Variants in PLXNC1 observed in about 807,000 individuals in gnomAD.
PLXNC1 encodes the protein plexin-C1.
Under a neutral mutation model 178.2 loss-of-function variants are expected in PLXNC1, and 75 were observed. That is an observed-to-expected ratio of 0.42 (90% confidence interval 0.35 to 0.51). PLXNC1 has a LOEUF of 0.51. Ranked by LOEUF, PLXNC1 falls within the 20% of genes least tolerant of loss-of-function variation. The pLI, the probability that PLXNC1 is intolerant of heterozygous loss-of-function variation, is 0.02. For synonymous variants in PLXNC1, 790 were observed against 779.9 expected, an observed-to-expected ratio of 1.01 and a Z score of -0.22; for missense variants, 1,503 against 1,984.4, an observed-to-expected ratio of 0.76 and a Z score of 4.61.
intron 1 of PLXNC1, among the ~76,000 whole-genome samples, chr12:94,163,808 AC>A (rs1341699967): frequency 6.6e-6 from 1 of 152,154 alleles, no homozygotes; most frequent in Non-Finnish European, 1.5e-5. Flanking sequence ...AGCTGCCATA[AC>A]TTAGTCAGAT....
Position 94,149,503 on chromosome 12 carries a change from G to A in PLXNC1, c.532G>A (p.Ala178Thr). The A allele has an allele frequency of 6.5e-7, 1 of 1,533,218 alleles. No homozygotes were observed. The highest frequency in any genetic ancestry group is 8.7e-7 in the Non-Finnish European group (1 of 1,145,550). 95.0% of individuals were successfully genotyped at this position (1,533,218 alleles called of 1,614,324 possible). A position where few individuals can be genotyped will look rare whatever the true frequency, so the allele number is the denominator to read the frequency against. ...RAGRNNRWYLAVAATYVLPEP... is the reference protein window; with the variant it reads ...RAGRNNRWYLTVAATYVLPEP... Reference sequence around the variant, plus strand: ...GGGCCGGAACAACCGCTGGTACCTGGCGGTGGCCGCCACCTACGTGCTGCC... The same window carrying A: ...GGGCCGGAACAACCGCTGGTACCTGACGGTGGCCGCCACCTACGTGCTGCC... The change falls in exon 1 of 31, where the codon GCG becomes ACG. Residue 178 changes from alanine to threonine, a missense_variant. By Grantham distance (58) the Ala-to-Thr change is moderately conservative. This residue lies in a region of PLXNC1 where 73 missense variants were observed against 125.4 expected (regional missense o/e 0.58). Coordinates refer to ENST00000258526, the MANE Select transcript of PLXNC1 (RefSeq NM_005761.3).
intron 9 of PLXNC1, among the ~76,000 whole-genome samples, chr12:94,229,399 T>C (rs1565820544): frequency 6.6e-6 from 1 of 152,254 alleles, no homozygotes; most frequent in Non-Finnish European, 1.5e-5. Flanking sequence ...ACAGAGTTTT[T>C]AATTTTGATG....
intron 2 of PLXNC1, among the ~76,000 whole-genome samples, chr12:94,170,951 G>C (rs1565791233): frequency 6.6e-6 from 1 of 152,156 alleles, no homozygotes; most frequent in Admixed American, 6.5e-5. Flanking sequence ...TGCCTGGCGG[G>C]AGTTTCCATC....
At chr12:94,228,499 A>C (rs1964007612) in intron 9 of PLXNC1, among the ~76,000 whole-genome samples, 1 of 152,218 alleles carries the variant, frequency 6.6e-6, no homozygotes, top group Admixed American at 6.5e-5. Context: ...ATCATTGCAC[A>C]ACCTATCTCC....
At chr12:94,292,031 C>T (rs554997741) in intron 23 of PLXNC1, among the ~76,000 whole-genome samples, 159 of 152,298 alleles carry the variant, frequency 1.0e-3, no homozygotes, top group African/African-American at 3.3e-3. Context: ...TGCAGTTCAT[C>T]CATGCTGTAG....
At chr12:94,216,070 A>T (rs1963637284) in intron 5 of PLXNC1, among the ~76,000 whole-genome samples, 1 of 152,180 alleles carries the variant, frequency 6.6e-6, no homozygotes, top group African/African-American at 2.4e-5. Flanking sequence ...GTTTGAGACC[A>T]GCCTGGCCAA....
At chr12:94,212,489 C>T (rs11107447) in intron 5 of PLXNC1, among the ~76,000 whole-genome samples, 57,830 of 138,922 alleles carry the variant, frequency 0.42, 13,113 homozygotes, top group East Asian at 0.59. Context: ...CCCCACCCCC[C>T]GGCAGGCCCC....
At chr12:94,297,126 C>A (rs375135904) in intron 24 of PLXNC1, 63 bp from the exon 25 acceptor site, 2 of 1,545,082 alleles carry the variant, frequency 1.3e-6, no homozygotes, top group Non-Finnish European at 1.8e-6. Flanking sequence ...AAGAGAAGGC[C>A]GATTAGCCCA....
At chr12:94,177,230 C>T (rs201219543) in intron 2 of PLXNC1, among the ~76,000 whole-genome samples, 4,693 of 97,352 alleles carry the variant, frequency 0.048, 129 homozygotes, top group Middle Eastern at 0.062. Flanking sequence ...TATATATATA[C>T]ATATATATAT....
chr12:94,232,418 A>G (rs1964128516), intron 9 of PLXNC1, among the ~76,000 whole-genome samples: 1 of 152,048 alleles, frequency 6.6e-6, no homozygotes, highest in African/African-American at 2.4e-5. Context: ...TGCATTTTTG[A>G]TCTCTCACAG....
intron 9 of PLXNC1, 53 bp from the exon 10 acceptor site, chr12:94,237,611 G>A: frequency 1.3e-6 from 2 of 1,536,844 alleles, no homozygotes. Context: ...TTTTTTTGGA[G>A]CGATGCCATT....
At chr12:94,238,040 A>G (rs1232482482) in intron 10 of PLXNC1, among the ~76,000 whole-genome samples, 1 of 152,208 alleles carries the variant, frequency 6.6e-6, no homozygotes, top group African/African-American at 2.4e-5. Flanking sequence ...ATCTCAGTAT[A>G]TAGTCATTTC....
Position 94,220,137 on chromosome 12 carries a change from G to C in PLXNC1, c.1676G>C (p.Ser559Thr). 1 of 1,614,086 alleles carries C rather than the reference G, an allele frequency of 6.2e-7. No homozygotes were observed. The highest frequency in any genetic ancestry group is 1.1e-5 in the South Asian group (1 of 91,078). Residue 559 changes from serine to threonine, a missense_variant, in exon 6 of 31, where the codon AGC becomes ACC. Transcript: ENST00000258526. ...CAGCCCAACCGGACCTGCACCTGTA[G>C]CATCCCAACCAGAGCAACCTACAAA... ...KSQPNRTCTC[S>T]IPTRATYKDV...
intron 9 of PLXNC1, 35 bp from the exon 10 acceptor site, chr12:94,237,629 T>G: frequency 6.3e-7 from 1 of 1,594,630 alleles, no homozygotes; most frequent in Non-Finnish European, 8.6e-7. Context: ...ATTTCTTAGC[T>G]TTGATCTCCT....
Position 94,306,236 on chromosome 12 carries a change from A to AAGAT in PLXNC1, c.*953_*956dup, listed in dbSNP as rs987641062. 1 of 152,086 alleles carries AAGAT rather than the reference A, an allele frequency of 6.6e-6. No homozygotes were observed. The highest frequency in any genetic ancestry group is 2.4e-5 in the African/African-American group (1 of 41,406). The allele number at this position is 152,086 out of a possible 1,614,324, so 9.4% of individuals were successfully genotyped here. On this transcript the variant is annotated 3_prime_UTR_variant, in exon 31 of 31. Transcript: ENST00000258526. Reference sequence around the variant, plus strand: ...TACTTGTGTGTGATTTAAAAAAAAAAAGATACATTTTACATTTTATCGAAT... The same window carrying AAGAT: ...TACTTGTGTGTGATTTAAAAAAAAAAAGATAGATACATTTTACATTTTATCGAAT...
intron 20 of PLXNC1, chr12:94,262,652 G>A: frequency 2.0e-6 from 2 of 985,458 alleles, no homozygotes; most frequent in South Asian, 4.7e-5. Context: ...TGGTGCAGGG[G>A]TCTGATGTCC....
intron 10 of PLXNC1, among the ~76,000 whole-genome samples, chr12:94,239,308 A>G (rs1964318080): frequency 6.6e-6 from 1 of 152,248 alleles, no homozygotes; most frequent in Non-Finnish European, 1.5e-5. Flanking sequence ...AGAGAAAAAT[A>G]CTAGTAGTGG....
At chr12:94,212,675 T>A (rs1296340367) in intron 5 of PLXNC1, among the ~76,000 whole-genome samples, 1 of 152,066 alleles carries the variant, frequency 6.6e-6, no homozygotes, top group Admixed American at 6.5e-5. Flanking sequence ...TATGGCTGCA[T>A]AGTATTCCAT....
chr12:94,242,538 C>T (rs1200291435), intron 11 of PLXNC1, among the ~76,000 whole-genome samples: 1 of 152,074 alleles, frequency 6.6e-6, no homozygotes, highest in African/African-American at 2.4e-5. Context: ...TAACCACCCA[C>T]GTCTCTAAAT....
Sources: gnomAD v4.1 joint callset for allele counts (sites outside exome capture counted in the v4.1 genomes callset) on GRCh38, gnomAD v4.1.1 for gene constraint, gnomAD v4.1.1 regional missense constraint, MANE v1.5 for transcripts, NCBI Gene and HGNC (gene_info 2026-07-23, HGNC 2026-07-21) for gene names.